The following GORASP2 variants were observed in gnomAD, a reference collection of about 807,000 sequenced individuals.
The protein encoded by GORASP2 is golgi reassembly stacking protein 2, also known as Golgi reassembly-stacking protein 2.
GORASP2 carries 22 observed loss-of-function variants against 45.7 expected under a neutral mutation model. The observed-to-expected ratio is 0.48, with a 90% CI of 0.34 to 0.69. The LOEUF is 0.69. Among genes scored for constraint, GORASP2 ranks in the 30% least tolerant of loss-of-function variants. GORASP2 has a pLI of 0.01. For synonymous variants in GORASP2, 221 were observed against 215.6 expected (o/e 1.02, Z -0.22); for missense variants, 491 against 562.7 (o/e 0.87, Z 1.29).
chr2:170,951,509 A>AT, intron 5 of GORASP2, 51 bp downstream of exon 5: 1 of 1,370,842 alleles, frequency 7.3e-7, no homozygotes, highest in Non-Finnish European at 1.0e-6. Flanking sequence ...TACCAGTCAG[A>AT]TATGTTGCAG....
chr2:170,966,441 T>C lies in GORASP2; in HGVS notation c.*311T>C, dbSNP rs557603965. 1.6e-5 allele frequency: 7 copies of C among 442,122 alleles called. No individual in the cohort carries two copies. In the East Asian group the frequency reaches 2.9e-4, roughly 18 times the overall value. 27.4% of individuals were successfully genotyped at this position (442,122 alleles called of 1,614,324 possible). ...CTTCGGGAAAGGTGGTGGCGGGGCG[T>C]CCACTAGGTTTCCTGTCCCCTGCTG... On this transcript the variant is annotated 3_prime_UTR_variant, in exon 10 of 10. Coordinates refer to ENST00000234160, the MANE Select transcript of GORASP2 (RefSeq NM_015530.5).
intron 1 of GORASP2, among the ~76,000 whole-genome samples, chr2:170,940,512 G>A (rs1250359296): frequency 6.6e-6 from 1 of 152,154 alleles, no homozygotes; most frequent in South Asian, 2.1e-4. Context: ...TGGAAGAAGA[G>A]ATGAATGCTT....
At chr2:170,951,217 G>A in intron 4 of GORASP2, 111 bp from the exon 5 acceptor site, 1 of 786,226 alleles carries the variant, frequency 1.3e-6, no homozygotes, top group Non-Finnish European at 2.0e-6. Context: ...GCAGGGCCCA[G>A]AATCTGTATT....
chr2:170,956,777 G>A (rs907533657), intron 7 of GORASP2, among the ~76,000 whole-genome samples: 3 of 152,132 alleles, frequency 2.0e-5, no homozygotes, highest in African/African-American at 7.2e-5. Flanking sequence ...AGCCAGGTGT[G>A]GTGGTGTGCA....
intron 1 of GORASP2, among the ~76,000 whole-genome samples, chr2:170,941,134 C>A (rs1704068228): frequency 6.6e-6 from 1 of 152,064 alleles, no homozygotes; most frequent in Admixed American, 6.6e-5. Context: ...AGAAGCATTT[C>A]TTTCACGCTG....
At chr2:170,956,584 T>A in intron 7 of GORASP2, 25 bp downstream of exon 7, 2 of 1,581,852 alleles carry the variant, frequency 1.3e-6, no homozygotes, top group Non-Finnish European at 1.7e-6. Flanking sequence ...ATATTCTGTT[T>A]TCAGTCTATT....
chr2:170,946,321 C>T (rs186606258), intron 1 of GORASP2, among the ~76,000 whole-genome samples: 108 of 152,068 alleles, frequency 7.1e-4, no homozygotes, highest in Non-Finnish European at 1.1e-3. Flanking sequence ...GTTTTGACAG[C>T]ACTTAATAAT....
At chr2:170,934,861 C>T (rs1703910441) in intron 1 of GORASP2, among the ~76,000 whole-genome samples, 2 of 152,026 alleles carry the variant, frequency 1.3e-5, no homozygotes, top group South Asian at 2.1e-4. Flanking sequence ...CCTCAGCCTC[C>T]AGAGTGGCTG....
At chr2:170,935,122 G>T (rs2105310722) in intron 1 of GORASP2, among the ~76,000 whole-genome samples, 1 of 152,310 alleles carries the variant, frequency 6.6e-6, no homozygotes, top group South Asian at 2.1e-4. Flanking sequence ...GAATCAGGAT[G>T]TCTCAGTTTA....
At chr2:170,959,009 G>A (rs1704491994) in intron 7 of GORASP2, among the ~76,000 whole-genome samples, 1 of 149,088 alleles carries the variant, frequency 6.7e-6, no homozygotes, top group East Asian at 2.0e-4. Flanking sequence ...TGCCCAGGCT[G>A]GAGTGCAATG....
In GORASP2 at chr2:170,966,163, A is replaced by G. The variant is rs1704684391; in HGVS notation, c.*33A>G. ...CCATTCTTTGGAATTGGCGTGGTATATTTAACCACGGGAGCGTGTCTGGAA... is the reference window on the plus strand; with the variant it reads ...CCATTCTTTGGAATTGGCGTGGTATGTTTAACCACGGGAGCGTGTCTGGAA... On this transcript the variant is annotated 3_prime_UTR_variant, in exon 10 of 10. Coordinates refer to ENST00000234160, the MANE Select transcript of GORASP2 (RefSeq NM_015530.5). The G allele has an allele frequency of 1.3e-6, 2 of 1,486,462 alleles. No homozygotes were observed. The highest frequency in any genetic ancestry group is 4.5e-5 in the East Asian group (2 of 44,330). The allele number at this position is 1,486,462 out of a possible 1,614,324, so 92.1% of individuals were successfully genotyped here. A position where few individuals can be genotyped will look rare whatever the true frequency, so the allele number is the denominator to read the frequency against.
chr2:170,932,333 T>C (rs1703844101), intron 1 of GORASP2, among the ~76,000 whole-genome samples: 1 of 152,260 alleles, frequency 6.6e-6, no homozygotes, highest in South Asian at 2.1e-4. Context: ...GTTGTTGACC[T>C]ATCTTGGCAG....
chr2:170,940,953 T>A (rs1485749435), intron 1 of GORASP2, among the ~76,000 whole-genome samples: 1 of 152,212 alleles, frequency 6.6e-6, no homozygotes, highest in Non-Finnish European at 1.5e-5. Context: ...AAGTTGGTGA[T>A]TAAAAAATCC....
At chr2:170,964,388 C>T (rs1487255191) in intron 9 of GORASP2, among the ~76,000 whole-genome samples, 1 of 152,228 alleles carries the variant, frequency 6.6e-6, no homozygotes, top group Admixed American at 6.5e-5. Flanking sequence ...CACAGTGGCT[C>T]ACGCCTATAA....
rs372573659 is a variant in GORASP2 at position 170,960,361 on chromosome 2, T to C, written c.824-1302T>C. Among the ~76,000 whole-genome samples the C allele has an allele frequency of 3.7e-4, 56 of 152,234 alleles. No individual in the cohort carries two copies. The East Asian group carries it at 6.4e-3, about 17-fold the overall frequency. ...AAGCAAAGAACCTGCCTTCGAAAAA[T>C]TGTTGTATACAATTTTAGGAGCTTC... is the stretch of plus-strand genomic sequence containing the variant. On this transcript the variant is annotated intron_variant, in intron 7 of 9. Transcript: ENST00000234160.
chr2:170,931,571 C>A (rs1175031176), intron 1 of GORASP2, among the ~76,000 whole-genome samples: 2 of 152,176 alleles, frequency 1.3e-5, no homozygotes, highest in Non-Finnish European at 2.9e-5. Context: ...AACCAATTCC[C>A]TGGCCAATCT....
intron 5 of GORASP2, 39 bp from the exon 6 acceptor site, chr2:170,954,611 G>T (rs754136160): frequency 6.4e-7 from 1 of 1,568,830 alleles, no homozygotes; most frequent in Non-Finnish European, 8.7e-7. Flanking sequence ...AATACAAGCT[G>T]TGATAGATAA....
chr2:170,954,915 T>A (rs1482732344), intron 6 of GORASP2, 133 bp downstream of exon 6: 1 of 653,354 alleles, frequency 1.5e-6, no homozygotes, highest in African/African-American at 1.8e-5. Flanking sequence ...TGTGTTACAT[T>A]TGAGGTTCCT....
chr2:170,939,801 C>G (rs942485994), intron 1 of GORASP2, among the ~76,000 whole-genome samples: 1 of 152,156 alleles, frequency 6.6e-6, no homozygotes, highest in Admixed American at 6.5e-5. Flanking sequence ...ATTATAACCA[C>G]GGAGGATTTA....
Sources: gnomAD v4.1 joint callset for allele counts (sites outside exome capture counted in the v4.1 genomes callset) on GRCh38, gnomAD v4.1.1 for gene constraint, MANE v1.5 for transcripts, NCBI Gene and HGNC (gene_info 2026-07-23, HGNC 2026-07-21) for gene names.